RBMX: variants seen among roughly 807,000 people sequenced by gnomAD.
RBMX encodes the protein RNA-binding motif protein, X chromosome.
In RBMX, 1 loss-of-function variant was observed where a neutral mutation model predicts 29.3. That is an observed-to-expected ratio of 0.03 (90% CI 0.01 to 0.16). The LOEUF (loss-of-function observed/expected upper bound fraction) is 0.16. Ranked by LOEUF, RBMX falls within the 10% of genes least tolerant of loss-of-function variation. RBMX has a pLI of 1.00. For synonymous variants in RBMX, 102 were observed against 102.3 expected (o/e 1.00, Z 0.02); for missense variants, 121 against 333.2 (o/e 0.36, Z 4.96).
chrX:136,873,680 A>AT lies in RBMX; in HGVS notation c.*461dup, dbSNP rs765223254. 5 of 758,975 alleles carry AT rather than the reference A, an allele frequency of 6.6e-6. No individual in the cohort carries two copies. The highest frequency in any genetic ancestry group is 7.8e-6 in the Non-Finnish European group (5 of 641,997). The allele number at this position is 758,975 out of a possible 1,213,427, so 62.5% of individuals were successfully genotyped here. A position where few individuals can be genotyped will look rare whatever the true frequency, so the allele number is the denominator to read the frequency against. ...ATTTCAGGTTTTTCGTACTGAGAAC[A>AT]TTGAGATTTCAGTTGGAAGACACCC... On this transcript the variant is annotated 3_prime_UTR_variant, in exon 9 of 9. Transcript: ENST00000320676.
chrX:136,869,904 CTAAT>C (rs1188808521), downstream of RBMX: 1 of 111,803 alleles, frequency 8.9e-6, no homozygotes, highest in Non-Finnish European at 1.9e-5. Flanking sequence ...GCCAAGTGGC[CTAAT>C]TGTTTCCAGT....
intron 4 of RBMX, 67 bp from the exon 5 acceptor site, chrX:136,876,722 T>G: frequency 9.8e-7 from 1 of 1,017,444 alleles, no homozygotes; most frequent in Non-Finnish European, 1.3e-6. Context: ...AAAAGTTTTT[T>G]TTTTTTTTTG....
At chrX:136,876,125 G>GC (rs2148711332) in intron 5 of RBMX, among the ~76,000 whole-genome samples, 1 of 77,706 alleles carries the variant, frequency 1.3e-5, no homozygotes, top group South Asian at 6.1e-4. Flanking sequence ...TTTTTTTTTT[G>GC]TTTTTTTTTT....
chrX:136,877,836 C>A, intron 4 of RBMX, 79 bp downstream of exon 4: 1 of 1,015,365 alleles, frequency 9.8e-7, no homozygotes, highest in Non-Finnish European at 1.3e-6. Flanking sequence ...TCCTCAAGGA[C>A]TTAACCAAAG....
Position 136,873,640 on chromosome X carries a change from T to C in RBMX, c.*502A>G. ...GTTTACTGGGTGAATAGCACTTTCC[T>C]TACATAGGCATGTGATTTCAGGTTT... On this transcript the variant is annotated 3_prime_UTR_variant, in exon 9 of 9. Coordinates refer to ENST00000320676, the MANE Select transcript of RBMX (RefSeq NM_002139.4). 1.3e-6 allele frequency: 1 copy of C among 755,156 alleles called. No individual in the cohort carries two copies. Among genetic ancestry groups the C allele is most frequent in the Non-Finnish European group, 1.6e-6 (1 of 638,823 alleles). The allele number at this position is 755,156 out of a possible 1,213,427, so 62.2% of individuals were successfully genotyped here. A position where few individuals can be genotyped will look rare whatever the true frequency, so the allele number is the denominator to read the frequency against.
At position 136,875,456 on chromosome X, in the gene RBMX, G is replaced by A. The variant is rs369528758; in HGVS notation, c.656+15C>T. On this transcript the variant is annotated intron_variant, in intron 6 of 8. Coordinates refer to ENST00000320676, the MANE Select transcript of RBMX (RefSeq NM_002139.4). ...ACCTTAATTATTAATTTAAAAAGCT[G>A]CACTTTTCTATTACCTGTCTTTAGT... 7 of 1,206,466 alleles carry A rather than the reference G, an allele frequency of 5.8e-6. No homozygotes were observed. Among genetic ancestry groups the A allele is most frequent in the Non-Finnish European group, 7.8e-6 (7 of 893,950 alleles).
Position 136,877,906 on chromosome X carries a change from A to G in RBMX, c.388+9T>C, listed in dbSNP as rs774541840. On this transcript the variant is annotated intron_variant, in intron 4 of 8. Transcript: ENST00000320676. ...ATACACCAAACCCGAGGTCCACGCAAGTTATTACCCATGTGTCCTCCCCGT... is the reference window on the plus strand; with the variant it reads ...ATACACCAAACCCGAGGTCCACGCAGGTTATTACCCATGTGTCCTCCCCGT... The G allele has an allele frequency of 6.9e-6, 8 of 1,166,780 alleles. No homozygotes were observed. The Admixed American group carries it at 1.2e-4, about 18-fold the overall frequency.
chrX:136,870,793 A>G (rs1415495722), downstream of RBMX, among the ~76,000 whole-genome samples: 1 of 107,944 alleles, frequency 9.3e-6, no homozygotes, highest in East Asian at 2.9e-4. Flanking sequence ...TCAAAAAAAA[A>G]AAAAGAAAAA....
At position 136,875,130 on chromosome X, in the gene RBMX, T is replaced by A; in HGVS notation, c.821A>T (p.Asp274Val). 3 of 1,211,942 alleles carry A rather than the reference T, an allele frequency of 2.5e-6. No individual in the cohort carries two copies. Among genetic ancestry groups the A allele is most frequent in the Admixed American group, 2.2e-5 (1 of 46,007 alleles). ...DGYGRDRDYS[D>V]HPSGGSYRDS... ...TCTGTAGGAACCTCCACTTGGATGA[T>A]CTGAATAGTCACGATCACGACCATA... Residue 274 changes from aspartate (D) to valine (V), a missense_variant, in exon 8 of 9, where the codon GAT (aspartate) becomes GTT (valine). By Grantham distance (152) the Asp-to-Val change is radical. Coordinates refer to ENST00000320676, the MANE Select transcript of RBMX (RefSeq NM_002139.4).
In RBMX at chrX:136,878,417, T is replaced by A. The variant is rs1176379650; in HGVS notation, c.217-331A>T. On this transcript the variant is annotated intron_variant, in intron 3 of 8. Transcript: ENST00000320676. ...AAAACCAAAAGCCAAGTTATCAAAA[T>A]ATGGCTTATGGATCTCAAGATAAAA... Among the ~76,000 whole-genome samples the A allele has an allele frequency of 2.7e-5, 3 of 110,563 alleles. No homozygotes were observed. In the East Asian group the frequency reaches 8.5e-4, roughly 31 times the overall value.
intron 8 of RBMX, 43 bp downstream of exon 8, chrX:136,875,043 A>C (rs1244497490): frequency 8.3e-7 from 1 of 1,200,827 alleles, no homozygotes; most frequent in East Asian, 3.0e-5. Context: ...CGAACCTAAA[A>C]ACTCAAGCTG....
chrX:136,873,559 T>G lies in RBMX; in HGVS notation c.*583A>C, dbSNP rs2077697333. ...AGGGAAAGGGGAGGTTCTTGCAGAT[T>G]CCCAAGGAAATGTCAGAAAGGCAAA... On this transcript the variant is annotated 3_prime_UTR_variant, in exon 9 of 9. Transcript: ENST00000320676. 1.3e-6 allele frequency: 1 copy of G among 754,443 alleles called. No individual in the cohort carries two copies. Among genetic ancestry groups the G allele is most frequent in the Non-Finnish European group, 1.6e-6 (1 of 638,885 alleles). The allele number at this position is 754,443 out of a possible 1,213,427, so 62.2% of individuals were successfully genotyped here. A position where few individuals can be genotyped will look rare whatever the true frequency, so the allele number is the denominator to read the frequency against.
At chrX:136,874,530 A>T in intron 8 of RBMX, 78 bp from the exon 9 acceptor site, 1 of 1,097,615 alleles carries the variant, frequency 9.1e-7, no homozygotes, top group Non-Finnish European at 1.2e-6. Context: ...AATTTACAGA[A>T]TTCTTGTATT....
chrX:136,876,437 C>G (rs986644469), intron 5 of RBMX, 66 bp downstream of exon 5: 2 of 1,068,945 alleles, frequency 1.9e-6, no homozygotes, highest in African/African-American at 3.8e-5. Context: ...AAATTTTAAG[C>G]ATCATTCACC....
chrX:136,880,586 G>A lies in RBMX; in HGVS notation c.-27+11C>T, dbSNP rs1489815921. ...GTCACGAAAAACGGACTGAGGAAAG[G>A]AGACACGTACCGGAGGGGTGACAAT... On this transcript the variant is annotated intron_variant, in intron 1 of 8. Coordinates refer to ENST00000320676, the MANE Select transcript of RBMX (RefSeq NM_002139.4). The A allele has an allele frequency of 1.8e-5, 2 of 109,819 alleles. 1 individual carries two copies. The highest frequency in any genetic ancestry group is 6.9e-5 in the African/African-American group (2 of 28,821). The allele number at this position is 109,819 out of a possible 1,213,427, so 9.1% of individuals were successfully genotyped here.
At position 136,878,612 on chromosome X, in the gene RBMX, G is replaced by A. The variant is rs186940870; in HGVS notation, c.216+405C>T. On this transcript the variant is annotated intron_variant, in intron 3 of 8. Transcript: ENST00000320676. ...AATACAAAGTTAGCCGGGCGTGGTC[G>A]CGCATGCCTGTAATCCCAGCTACTG... is the stretch of plus-strand genomic sequence containing the variant. Among the ~76,000 whole-genome samples the A allele has an allele frequency of 5.6e-3, 426 of 76,295 alleles. 2 individuals are homozygous for A. Among genetic ancestry groups the A allele is most frequent in the South Asian group, 0.01 (9 of 884 alleles). The allele number at this position is 76,295 out of a possible 115,157, so 66.3% of individuals were successfully genotyped here.
At chrX:136,872,171 G>A, downstream of RBMX, 4 of 652,841 alleles carry the variant, frequency 6.1e-6, no homozygotes, top group South Asian at 1.1e-4. Flanking sequence ...TTTTACAGAT[G>A]AAGTGAGGAC....
At chrX:136,872,994 C>G (rs1398441757), downstream of RBMX, 1 of 108,313 alleles carries the variant, frequency 9.2e-6, no homozygotes, top group Non-Finnish European at 1.9e-5. Flanking sequence ...AGCCCCAGAT[C>G]GCCATTGGTA....
At chrX:136,870,784 C>CA (rs1244678130), downstream of RBMX, among the ~76,000 whole-genome samples, 137 of 44,864 alleles carry the variant, frequency 3.1e-3, 1 homozygote, top group South Asian at 0.011. Context: ...GAAGCCATCT[C>CA]AAAAAAAAAA....
Sources: gnomAD v4.1 joint callset for allele counts (sites outside exome capture counted in the v4.1 genomes callset) on GRCh38, gnomAD v4.1.1 for gene constraint, MANE v1.5 for transcripts, NCBI Gene and HGNC (gene_info 2026-07-23, HGNC 2026-07-21) for gene names.